CACNA2D3: variants seen among roughly 807,000 people sequenced by gnomAD.
The protein encoded by CACNA2D3 is calcium voltage-gated channel auxiliary subunit alpha2delta 3, also known as voltage-dependent calcium channel subunit alpha-2/delta-3.
A neutral mutation model predicts 160.6 loss-of-function variants in CACNA2D3; 60 were observed. That is an observed-to-expected ratio of 0.37 (90% CI 0.30 to 0.46). The LOEUF (loss-of-function observed/expected upper bound fraction) is 0.46. Among genes scored for constraint, CACNA2D3 ranks in the 20% least tolerant of loss-of-function variants. The probability of loss-of-function intolerance (pLI) is 1.00; values close to 1 mark genes in which losing one functional copy is unlikely to be tolerated. For synonymous variants in CACNA2D3, 558 were observed against 492.9 expected (o/e 1.13, Z -1.75); for missense variants, 1,205 against 1,365.0 (o/e 0.88, Z 1.85).
intron 6 of CACNA2D3, among the ~76,000 whole-genome samples, chr3:54,566,725 G>T (rs141623493): frequency 9.9e-4 from 151 of 152,324 alleles, no homozygotes; most frequent in African/African-American, 2.7e-3. Context: ...GTACGCAGGG[G>T]AGTTTGTTCC....
chr3:54,578,034 C>G (rs1306296915), intron 8 of CACNA2D3, among the ~76,000 whole-genome samples: 1 of 152,162 alleles, frequency 6.6e-6, no homozygotes, highest in Non-Finnish European at 1.5e-5. Flanking sequence ...GGACTGGACC[C>G]ATTTCCAGGG....
At chr3:54,776,274 G>T (rs556619464) in intron 13 of CACNA2D3, among the ~76,000 whole-genome samples, 1 of 152,190 alleles carries the variant, frequency 6.6e-6, no homozygotes, top group African/African-American at 2.4e-5. Flanking sequence ...AGCACTTAGC[G>T]AGGCTTAGGC....
intron 9 of CACNA2D3, among the ~76,000 whole-genome samples, chr3:54,586,373 A>T (rs1240154021): frequency 7.3e-6 from 1 of 137,290 alleles, no homozygotes; most frequent in Non-Finnish European, 1.7e-5. Flanking sequence ...AGTAAGAGTG[A>T]TTCTATTAAT....
intron 4 of CACNA2D3, among the ~76,000 whole-genome samples, chr3:54,495,689 C>A (rs567474256): frequency 6.0e-4 from 92 of 152,266 alleles, no homozygotes; most frequent in African/African-American, 2.1e-3. Flanking sequence ...GCAGAGGCTG[C>A]AGTGAGCCAA....
chr3:54,891,220 T>TGTGC (rs1337018420), intron 24 of CACNA2D3, 135 bp from the exon 25 acceptor site: 1 of 621,514 alleles, frequency 1.6e-6, no homozygotes, highest in African/African-American at 1.8e-5. Flanking sequence ...TGTGTGTGTG[T>TGTGC]GTTTCTGTAT....
chr3:54,735,044 C>G (rs1701469114), intron 11 of CACNA2D3, among the ~76,000 whole-genome samples: 1 of 152,228 alleles, frequency 6.6e-6, no homozygotes, highest in Non-Finnish European at 1.5e-5. Context: ...AGGAAGCACA[C>G]CAGCATTTCT....
At chr3:55,010,209 G>C (rs1237307293) in intron 34 of CACNA2D3, among the ~76,000 whole-genome samples, 1 of 152,042 alleles carries the variant, frequency 6.6e-6, no homozygotes, top group Non-Finnish European at 1.5e-5. Flanking sequence ...ACAAAGAAGG[G>C]AACAGCAGAC....
intron 31 of CACNA2D3, among the ~76,000 whole-genome samples, chr3:54,988,634 G>A (rs1702669704): frequency 6.6e-6 from 1 of 152,206 alleles, no homozygotes; most frequent in African/African-American, 2.4e-5. Context: ...TGGCCAGTGG[G>A]TAGGCAGGCC....
chr3:54,330,214 G>A (rs1306858750), intron 3 of CACNA2D3, among the ~76,000 whole-genome samples: 2 of 16,318 alleles, frequency 1.2e-4, no homozygotes, highest in Non-Finnish European at 4.1e-4. Context: ...ATTGATATGT[G>A]TGTGTGTGTG....
intron 27 of CACNA2D3, among the ~76,000 whole-genome samples, chr3:54,933,056 CCTTCCTTCCTTCCTT>C (rs1559635638): frequency 2.8e-3 from 19 of 6,902 alleles, no homozygotes; most frequent in South Asian, 0.015. Context: ...TCCCTCCCTT[CCTTCCTTCCTTCCTT>C]CCTTCCTTCC....
intron 10 of CACNA2D3, among the ~76,000 whole-genome samples, chr3:54,634,071 C>G (rs1424567318): frequency 6.6e-6 from 1 of 152,208 alleles, no homozygotes; most frequent in Non-Finnish European, 1.5e-5. Flanking sequence ...ACTGCAACTT[C>G]AGACTCCACA....
intron 4 of CACNA2D3, among the ~76,000 whole-genome samples, chr3:54,456,820 A>G (rs1700405492): frequency 6.6e-6 from 1 of 151,840 alleles, no homozygotes; most frequent in Non-Finnish European, 1.5e-5. Context: ...TTCTTGGCAA[A>G]ATCTTTATAA....
chr3:54,914,776 T>C (rs1575367912), intron 27 of CACNA2D3, among the ~76,000 whole-genome samples: 1 of 152,248 alleles, frequency 6.6e-6, no homozygotes, highest in East Asian at 1.9e-4. Context: ...AGCCCAGCAA[T>C]GCCATGTGGA....
intron 31 of CACNA2D3, among the ~76,000 whole-genome samples, chr3:54,993,518 T>G (rs1230521434): frequency 6.6e-6 from 1 of 152,098 alleles, no homozygotes; most frequent in African/African-American, 2.4e-5. Context: ...GAAGGGAAAG[T>G]TGAAATGAGT....
At chr3:54,739,995 T>G (rs1701617802) in intron 11 of CACNA2D3, among the ~76,000 whole-genome samples, 1 of 152,024 alleles carries the variant, frequency 6.6e-6, no homozygotes, top group South Asian at 2.1e-4. Flanking sequence ...TGCAGCAGGA[T>G]GTTTAGTATC....
chr3:54,804,510 A>G (rs867930374), intron 13 of CACNA2D3, among the ~76,000 whole-genome samples: 12 of 152,232 alleles, frequency 7.9e-5, no homozygotes, highest in Admixed American at 6.5e-4. Flanking sequence ...ACTATCCTAA[A>G]TATATATGCA....
chr3:54,563,637 G>T (rs1702362443), intron 6 of CACNA2D3, among the ~76,000 whole-genome samples: 1 of 152,220 alleles, frequency 6.6e-6, no homozygotes, highest in Non-Finnish European at 1.5e-5. Context: ...CTTACAAGTT[G>T]TGAAAACAGG....
chr3:54,729,472 A>G (rs1575445043), intron 11 of CACNA2D3, among the ~76,000 whole-genome samples: 1 of 152,320 alleles, frequency 6.6e-6, no homozygotes. Flanking sequence ...ATTTATTGTA[A>G]GAGTTGCTTT....
At chr3:54,239,479 T>C (rs971742189) in intron 2 of CACNA2D3, among the ~76,000 whole-genome samples, 3 of 152,200 alleles carry the variant, frequency 2.0e-5, no homozygotes, top group Non-Finnish European at 4.4e-5. Flanking sequence ...CTGACGCAGC[T>C]CAAGATTTTC....
Sources: allele counts gnomAD v4.1 joint callset (sites outside exome capture counted in the v4.1 genomes callset), GRCh38; gene constraint gnomAD v4.1.1; transcripts MANE v1.5; gene names NCBI Gene and HGNC (gene_info 2026-07-23, HGNC 2026-07-21).